The following TMCO4 variants were observed in gnomAD, a reference collection of about 807,000 sequenced individuals.
The protein encoded by TMCO4 is transmembrane and coiled-coil domain-containing protein 4.
TMCO4 carries 58 observed loss-of-function variants against 64.7 expected under a neutral mutation model. The ratio of observed to expected loss-of-function variants is 0.90; its 90% confidence interval spans 0.73 to 1.12. The LOEUF is 1.12. Ranked by LOEUF, TMCO4 falls within the 50% of genes most tolerant of loss-of-function variation. The probability of loss-of-function intolerance (pLI) is 0.00; values close to 1 mark genes in which losing one functional copy is unlikely to be tolerated. For missense variants in TMCO4, 780 were observed against 825.9 expected (o/e 0.94, Z 0.68); for synonymous variants, 325 against 346.1 (o/e 0.94, Z 0.68).
In TMCO4 at chr1:19,770,569, C is replaced by T. The variant is rs777092448; in HGVS notation, c.355G>A (p.Asp119Asn). ...LKDDPTVITQ[D>N]LLSFSLKDGH... ...TCCTTGAGTGAGAAGCTCAGAAGGT[C>T]CTGAGGGAGAAGACAACAGGCATCA... The change falls in exon 6 of 16, where the codon GAC becomes AAC. Residue 119 changes from aspartate to asparagine, a missense_variant and splice_region_variant. Transcript: ENST00000294543. 8.7e-6 allele frequency: 14 copies of T among 1,612,740 alleles called. No homozygotes were observed. Among genetic ancestry groups the T allele is most frequent in the Admixed American group, 1.7e-5 (1 of 59,678 alleles).
At chr1:19,765,041 G>A (rs2042673295) in intron 6 of TMCO4, among the ~76,000 whole-genome samples, 1 of 152,094 alleles carries the variant, frequency 6.6e-6, no homozygotes, top group Non-Finnish European at 1.5e-5. Flanking sequence ...CGTGGCTCAA[G>A]TGTGTGTGCC....
At chr1:19,707,663 C>A (rs2095309319) in intron 13 of TMCO4, among the ~76,000 whole-genome samples, 1 of 152,084 alleles carries the variant, frequency 6.6e-6, no homozygotes, top group Admixed American at 6.5e-5. Context: ...TGGGCACATG[C>A]CACATGCAGG....
At position 19,778,974 on chromosome 1, in the gene TMCO4, G is replaced by A. The variant is rs185680705; in HGVS notation, c.179+1606C>T. On this transcript the variant is annotated intron_variant, in intron 4 of 15. Transcript: ENST00000294543. ...ACAGGTGGAACAATGCCCTGGTCTG[G>A]AGGACAGATAAGGGAAGGCTTCCTG... Among the ~76,000 whole-genome samples, 10 of 152,278 alleles carry A rather than the reference G, an allele frequency of 6.6e-5. No individual in the cohort carries two copies. The East Asian group carries it at 1.4e-3, about 21-fold the overall frequency.
intron 6 of TMCO4, among the ~76,000 whole-genome samples, chr1:19,769,965 G>A (rs534017205): frequency 2.3e-4 from 29 of 126,062 alleles, no homozygotes; most frequent in African/African-American, 7.8e-4. Context: ...GCCGGAGGCC[G>A]GCATGGCTGA....
chr1:19,699,443 T>C (rs2095256981), intron 14 of TMCO4, among the ~76,000 whole-genome samples: 1 of 150,612 alleles, frequency 6.6e-6, no homozygotes, highest in African/African-American at 2.4e-5. Context: ...CCTAGGACTG[T>C]CTTGCATCAA....
At chr1:19,737,239 T>C (rs2095458787) in intron 13 of TMCO4, 133 bp downstream of exon 13, 2 of 897,426 alleles carry the variant, frequency 2.2e-6, no homozygotes, top group African/African-American at 3.4e-5. Context: ...TTTTAAACTA[T>C]TTTTAACTTT....
At chr1:19,766,870 C>T (rs2042758131) in intron 6 of TMCO4, among the ~76,000 whole-genome samples, 1 of 152,164 alleles carries the variant, frequency 6.6e-6, no homozygotes, top group Non-Finnish European at 1.5e-5. Context: ...CTCAGTTTCC[C>T]CATCTACATA....
intron 6 of TMCO4, among the ~76,000 whole-genome samples, chr1:19,762,632 G>C (rs2042557070): frequency 1.3e-5 from 2 of 152,240 alleles, no homozygotes; most frequent in African/African-American, 4.8e-5. Context: ...AAGAATAGCA[G>C]CACCCTGGGA....
chr1:19,775,605 T>C (rs1310150970), intron 4 of TMCO4, among the ~76,000 whole-genome samples: 2 of 152,242 alleles, frequency 1.3e-5, no homozygotes, highest in African/African-American at 2.4e-5. Flanking sequence ...GCTGCTTTTG[T>C]GCTATCACGG....
At chr1:19,797,993 GAAAA>G in intron 2 of TMCO4, 140 bp downstream of exon 2, 1 of 179,430 alleles carries the variant, frequency 5.6e-6, no homozygotes, top group South Asian at 1.3e-4. Context: ...GAAAAGAAAA[GAAAA>G]GAAAAGAAAA....
At chr1:19,759,885 C>A (rs1179897656) in intron 6 of TMCO4, among the ~76,000 whole-genome samples, 1 of 152,228 alleles carries the variant, frequency 6.6e-6, no homozygotes, top group Non-Finnish European at 1.5e-5. Context: ...CAATGCCTGG[C>A]AGTTAGTAGG....
chr1:19,763,422 G>T (rs2042592923), intron 6 of TMCO4, among the ~76,000 whole-genome samples: 1 of 152,212 alleles, frequency 6.6e-6, no homozygotes, highest in Non-Finnish European at 1.5e-5. Flanking sequence ...ACAATAAGAG[G>T]ATGGATGTGG....
chr1:19,736,052 A>C (rs1422820304), intron 13 of TMCO4, among the ~76,000 whole-genome samples: 2 of 152,212 alleles, frequency 1.3e-5, no homozygotes, highest in Non-Finnish European at 2.9e-5. Flanking sequence ...TGCATGACTA[A>C]GCCCAGGCAG....
chr1:19,786,120 T>C (rs770874726), intron 3 of TMCO4, among the ~76,000 whole-genome samples: 2 of 152,140 alleles, frequency 1.3e-5, no homozygotes, highest in South Asian at 2.1e-4. Flanking sequence ...TGGTGGAGCA[T>C]ACCTGTGGTC....
intron 13 of TMCO4, among the ~76,000 whole-genome samples, chr1:19,729,053 T>C (rs1055669097): frequency 2.6e-5 from 4 of 152,170 alleles, no homozygotes; most frequent in Admixed American, 6.5e-5. Flanking sequence ...ATAGTGGATA[T>C]AGAATAAGCT....
intron 13 of TMCO4, among the ~76,000 whole-genome samples, chr1:19,715,935 A>G (rs2095353684): frequency 6.6e-6 from 1 of 152,168 alleles, no homozygotes; most frequent in Non-Finnish European, 1.5e-5. Flanking sequence ...CCCTCCCTGG[A>G]GTCCCTGAGA....
rs1040042880 is a variant in TMCO4, at chr1:19,743,726, C to T, written c.877+1806G>A. ...ACCTGGGCTCTTGTTCTTGCTCCTT[C>T]CTGTAGCACGGTAAAATGAAAACAA... On this transcript the variant is annotated intron_variant, in intron 10 of 15. Transcript: ENST00000294543. The surrounding 1 kb of genome is among the most constrained non-coding windows in gnomAD (Gnocchi z 4.1). 6.6e-6 allele frequency among the ~76,000 whole-genome samples: 1 copy of T among 152,198 alleles called. No individual in the cohort carries two copies. Among genetic ancestry groups the T allele is most frequent in the Non-Finnish European group, 1.5e-5 (1 of 68,028 alleles).
At chr1:19,698,090 T>C (rs1216835178) in intron 14 of TMCO4, among the ~76,000 whole-genome samples, 1 of 152,178 alleles carries the variant, frequency 6.6e-6, no homozygotes, top group African/African-American at 2.4e-5. Flanking sequence ...TCGCTGCCAC[T>C]CTCTCCCAGG....
intron 8 of TMCO4, 102 bp downstream of exon 8, chr1:19,747,061 C>T: frequency 8.3e-7 from 1 of 1,211,898 alleles, no homozygotes; most frequent in Non-Finnish European, 1.2e-6. Context: ...CAGGGGCCAC[C>T]TCCCAGCTGA....
Sources: allele counts gnomAD v4.1 joint callset (sites outside exome capture counted in the v4.1 genomes callset), GRCh38; gene constraint gnomAD v4.1.1; non-coding constraint Gnocchi (gnomAD v3.1); transcripts MANE v1.5; gene names NCBI Gene and HGNC (gene_info 2026-07-23, HGNC 2026-07-21).